Variants in ZNF423 observed in about 807,000 individuals in gnomAD.
The protein encoded by ZNF423 is Ebf-associated zinc finger protein.
ZNF423 carries 12 observed loss-of-function variants against 95.8 expected under a neutral mutation model. That is an observed-to-expected ratio of 0.13 (90% CI 0.08 to 0.20). The LOEUF (loss-of-function observed/expected upper bound fraction) is 0.20, where lower values mean the gene tolerates loss of function less well. Ranked by LOEUF, ZNF423 falls within the 10% of genes least tolerant of loss-of-function variation. The pLI, the probability that ZNF423 is intolerant of heterozygous loss-of-function variation, is 1.00. For missense variants in ZNF423, 1,316 were observed against 1,737.1 expected (o/e 0.76, Z 4.31); for synonymous variants, 749 against 711.9 (o/e 1.05, Z -0.83).
chr16:49,845,430 G>T (rs1409734100), intron 1 of ZNF423, among the ~76,000 whole-genome samples: 1 of 151,796 alleles, frequency 6.6e-6, no homozygotes, highest in Non-Finnish European at 1.5e-5. Context: ...TGGATGAGAG[G>T]TTTTTTGTTT....
intron 1 of ZNF423, among the ~76,000 whole-genome samples, chr16:49,804,158 C>T (rs1006002059): frequency 3.3e-5 from 5 of 152,102 alleles, no homozygotes; most frequent in African/African-American, 1.2e-4. Flanking sequence ...TGGTCTTGAA[C>T]TCCTGACCTC....
intron 5 of ZNF423, among the ~76,000 whole-genome samples, chr16:49,619,125 G>A (rs1030037130): frequency 1.3e-5 from 2 of 152,038 alleles, no homozygotes; most frequent in African/African-American, 2.4e-5. Context: ...ACCCTGATTA[G>A]GTGTAACCTC....
At chr16:49,644,971 T>C (rs557858655) in intron 3 of ZNF423, among the ~76,000 whole-genome samples, 1 of 152,260 alleles carries the variant, frequency 6.6e-6, no homozygotes, top group East Asian at 1.9e-4. Context: ...CATGGGAAGC[T>C]GGAATTCATG....
intron 3 of ZNF423, among the ~76,000 whole-genome samples, chr16:49,640,036 G>C (rs565772023): frequency 6.6e-6 from 1 of 152,294 alleles, no homozygotes; most frequent in African/African-American, 2.4e-5. Flanking sequence ...AGGCTGCTGC[G>C]GGCAGGGGAG....
chr16:49,798,483 G>A (rs757252707), intron 1 of ZNF423, among the ~76,000 whole-genome samples: 7 of 148,426 alleles, frequency 4.7e-5, no homozygotes, highest in Non-Finnish European at 7.4e-5. Flanking sequence ...ACTCCAGTCT[G>A]GGTGACAGAG....
intron 2 of ZNF423, among the ~76,000 whole-genome samples, chr16:49,741,501 T>G (rs2143494535): frequency 7.4e-6 from 1 of 135,798 alleles, no homozygotes; most frequent in Non-Finnish European, 1.6e-5. Flanking sequence ...AGTAAGACTC[T>G]GTCTCAAAAA....
chr16:49,798,371 G>A (rs2034531141), intron 1 of ZNF423, among the ~76,000 whole-genome samples: 1 of 152,150 alleles, frequency 6.6e-6, no homozygotes, highest in Non-Finnish European at 1.5e-5. Flanking sequence ...AGCTGGGTGT[G>A]ATGATGCACA....
chr16:49,822,567 GATGAGACCC>G, intron 1 of ZNF423: 1 of 918,196 alleles, frequency 1.1e-6, no homozygotes, highest in Non-Finnish European at 1.6e-6. Context: ...AGTCAGAAGG[GATGAGACCC>G]ACATTGTCCA....
At chr16:49,713,229 C>T (rs1187453699) in intron 3 of ZNF423, among the ~76,000 whole-genome samples, 1 of 152,186 alleles carries the variant, frequency 6.6e-6, no homozygotes, top group Non-Finnish European at 1.5e-5. Context: ...AGGGCACCAC[C>T]CACTCCCCCA....
rs1434838016 is a variant in ZNF423 at position 49,853,961 on chromosome 16, T to G, written c.40+1774A>C. On this transcript the variant is annotated intron_variant, in intron 1 of 7. Coordinates refer to ENST00000563137, the MANE Select transcript of ZNF423 (RefSeq NM_001379286.1). The stretch of plus-strand genomic sequence containing the variant: ...TCCAACCAGAAATTCCAATTCCACA[T>G]TTTCTTCTGGGTCGCCTCTTAAGTG... 8 of 985,308 alleles carry G rather than the reference T, an allele frequency of 8.1e-6. No individual in the cohort carries two copies. The East Asian group carries it at 9.1e-4, about 112-fold the overall frequency. The allele number at this position is 985,308 out of a possible 1,614,324, so 61.0% of individuals were successfully genotyped here.
rs773539943 is a variant in ZNF423, at chr16:49,636,905, C to T, written c.2271G>A (p.Met757Ile). The T allele has an allele frequency of 1.2e-6, 2 of 1,613,826 alleles. No homozygotes were observed. Among genetic ancestry groups the T allele is most frequent in the Non-Finnish European group, 8.5e-7 (1 of 1,180,036 alleles). The change falls in exon 4 of 8, where the codon ATG becomes ATA. Residue 757 changes from methionine to isoleucine, a missense_variant. Physicochemically the swap from Met to Ile is conservative, Grantham distance 10. Transcript: ENST00000563137. This position sits in a 1 kb window ranked among gnomAD's most constrained non-coding sequence, Gnocchi z 8.6. ...CCCAGTTGCAGGCCGTGCAGCGGTA[C>T]ATCTTCTTCTCATTGCTGTGCTTCA... The part of the protein sequence containing the change: ...LAVKHSNEKK[M>I]YRCTACNWDF...
intron 5 of ZNF423, among the ~76,000 whole-genome samples, chr16:49,528,169 C>A (rs190062586): frequency 1.3e-5 from 2 of 152,204 alleles, no homozygotes; most frequent in East Asian, 3.9e-4. Context: ...TGAATGGCGA[C>A]GGGCCCATCT....
At chr16:49,522,652 G>A (rs1968450204) in intron 7 of ZNF423, among the ~76,000 whole-genome samples, 1 of 152,160 alleles carries the variant, frequency 6.6e-6, no homozygotes, top group South Asian at 2.1e-4. Context: ...GGACATGAGT[G>A]TGGTCCTTCT....
intron 2 of ZNF423, among the ~76,000 whole-genome samples, chr16:49,778,240 T>A (rs2034152771): frequency 6.6e-6 from 1 of 152,162 alleles, no homozygotes; most frequent in African/African-American, 2.4e-5. Context: ...CATTCAAGAA[T>A]GTTAAGGGAA....
Position 49,635,863 on chromosome 16 carries a change from C to A in ZNF423, c.3313G>T (p.Ala1105Ser). 2 of 1,590,418 alleles carry A rather than the reference C, an allele frequency of 1.3e-6. No individual in the cohort carries two copies. The highest frequency in any genetic ancestry group is 1.7e-6 in the Non-Finnish European group (2 of 1,170,628). The change falls in exon 4 of 8, where the codon GCC (alanine) becomes TCC (serine). Residue 1105 changes from alanine to serine, a missense_variant. This residue lies in a region of ZNF423 where 620 missense variants were observed against 775.6 expected (regional missense o/e 0.80). Transcript: ENST00000563137. The surrounding 1 kb of genome is among the most constrained non-coding windows in gnomAD (Gnocchi z 4.8). Reference protein sequence around the residue: ...LPYGLCAGCMARSANGQVGGL... With the variant: ...LPYGLCAGCMSRSANGQVGGL... ...CCCACCTGTCCGTTGGCGCTGCGGG[C>A]CATGCAGCCGGCGCAGAGGCCGTAG...
At chr16:49,501,520 T>G (rs192831548) in intron 7 of ZNF423, among the ~76,000 whole-genome samples, 54 of 152,240 alleles carry the variant, frequency 3.5e-4, no homozygotes, top group Admixed American at 2.9e-3. Context: ...GCAATCCCAT[T>G]ACTGCAGATG....
intron 2 of ZNF423, among the ~76,000 whole-genome samples, chr16:49,786,106 A>G (rs2034307160): frequency 6.6e-6 from 1 of 152,174 alleles, no homozygotes; most frequent in Non-Finnish European, 1.5e-5. Flanking sequence ...ATTCACCAGC[A>G]AGTGGCATGA....
intron 1 of ZNF423, among the ~76,000 whole-genome samples, chr16:49,834,412 G>A (rs1327506827): frequency 6.6e-6 from 1 of 152,210 alleles, no homozygotes; most frequent in African/African-American, 2.4e-5. Context: ...GCCCAGAGAG[G>A]GTTGGTGGAG....
chr16:49,747,567 T>TGGCACTCA (rs1247451870), intron 2 of ZNF423, among the ~76,000 whole-genome samples: 1 of 151,938 alleles, frequency 6.6e-6, no homozygotes, highest in Non-Finnish European at 1.5e-5. Context: ...TAGGGCACTC[T>TGGCACTCA]GGCACTCAGC....
Sources: allele counts gnomAD v4.1 joint callset (sites outside exome capture counted in the v4.1 genomes callset), GRCh38; gene constraint gnomAD v4.1.1; regional missense constraint gnomAD v4.1.1; non-coding constraint Gnocchi (gnomAD v3.1); transcripts MANE v1.5; gene names NCBI Gene and HGNC (gene_info 2026-07-23, HGNC 2026-07-21).